DNAH9: variants seen among roughly 807,000 people sequenced by gnomAD.
DNAH9 encodes the protein DNAH9 variant protein.
Under a neutral mutation model 471.6 loss-of-function variants are expected in DNAH9, and 345 were observed. That is an observed-to-expected ratio of 0.73 (90% CI 0.67 to 0.80). The LOEUF is 0.80. DNAH9 is among the 30% of genes least tolerant of loss of function. The pLI, the probability that DNAH9 is intolerant of heterozygous loss-of-function variation, is 0.00. For synonymous variants in DNAH9, 2,093 were observed against 2,123.6 expected (o/e 0.99, Z 0.40); for missense variants, 5,407 against 5,609.2 (o/e 0.96, Z 1.15).
At chr17:11,613,590 C>T (rs1396078906) in intron 4 of DNAH9, among the ~76,000 whole-genome samples, 1 of 152,082 alleles carries the variant, frequency 6.6e-6, no homozygotes. Context: ...AGTGACAGAC[C>T]GAGACTCCGT....
At chr17:11,880,821 T>C (rs1972690650) in intron 54 of DNAH9, among the ~76,000 whole-genome samples, 1 of 152,136 alleles carries the variant, frequency 6.6e-6, no homozygotes. Flanking sequence ...TAGATGTCAT[T>C]CCCATGTCAG....
intron 15 of DNAH9, among the ~76,000 whole-genome samples, chr17:11,666,067 C>G (rs1043049694): frequency 6.6e-5 from 10 of 152,138 alleles, no homozygotes; most frequent in African/African-American, 2.4e-4. Flanking sequence ...GGAAATCCAG[C>G]ATAGTTAGCA....
At chr17:11,685,552 G>A (rs7207282) in intron 19 of DNAH9, among the ~76,000 whole-genome samples, 27,354 of 152,110 alleles carry the variant, frequency 0.18, 2,603 homozygotes, top group African/African-American at 0.23. Flanking sequence ...CAGCCCAGAT[G>A]AGAAGTGGTG....
intron 48 of DNAH9, among the ~76,000 whole-genome samples, chr17:11,823,782 T>C (rs914388897): frequency 1.3e-5 from 2 of 151,946 alleles, no homozygotes; most frequent in Non-Finnish European, 2.9e-5. Flanking sequence ...ATACAAAAAT[T>C]AGCTGGGCAT....
chr17:11,660,319 CTTTTTT>C (rs1208889792), intron 14 of DNAH9, among the ~76,000 whole-genome samples: 2 of 97,502 alleles, frequency 2.1e-5, no homozygotes, highest in South Asian at 3.6e-4. Context: ...TTAAATGTTT[CTTTTTT>C]TTTTTTTTTT....
Position 11,768,484 on chromosome 17 carries a change from G to A in DNAH9, c.7202G>A (p.Trp2401Ter). ...LVDYRAEFSK[W>*]WLTEFKTVKF... Reference sequence around the variant, plus strand: ...GACTACCGGGCAGAGTTCAGCAAATGGTGGCTGACTGAGTTCAAAACAGTC... The same window carrying A: ...GACTACCGGGCAGAGTTCAGCAAATAGTGGCTGACTGAGTTCAAAACAGTC... Residue 2401 changes from tryptophan (W) to a stop codon, truncating the protein, a stop_gained, in exon 37 of 69, where the codon TGG (tryptophan) becomes TAG (stop). Transcript: ENST00000262442. LOFTEE classifies it high-confidence loss of function. 6.2e-7 allele frequency: 1 copy of A among 1,614,062 alleles called. No homozygotes were observed. The highest frequency in any genetic ancestry group is 1.1e-5 in the South Asian group (1 of 91,082).
At chr17:11,843,889 A>ATATATATG (rs1339573331) in intron 49 of DNAH9, among the ~76,000 whole-genome samples, 2 of 137,216 alleles carry the variant, frequency 1.5e-5, no homozygotes, top group African/African-American at 5.3e-5. Flanking sequence ...ATATATATAT[A>ATATATATG]TACACATAGA....
chr17:11,908,085 A>G (rs1490812326), intron 61 of DNAH9, among the ~76,000 whole-genome samples: 1 of 152,132 alleles, frequency 6.6e-6, no homozygotes, highest in East Asian at 1.9e-4. Flanking sequence ...CTCCACATAC[A>G]CGGGGTGGGG....
chr17:11,632,439 AAATT>A (rs1277531582), intron 7 of DNAH9, 144 bp from the exon 8 acceptor site: 2 of 583,350 alleles, frequency 3.4e-6, no homozygotes, highest in Non-Finnish European at 6.1e-6. Context: ...ACATGGCTAA[AAATT>A]AAGTCATGCC....
intron 35 of DNAH9, among the ~76,000 whole-genome samples, chr17:11,760,230 G>T (rs1307577798): frequency 6.6e-6 from 1 of 152,136 alleles, no homozygotes; most frequent in Non-Finnish European, 1.5e-5. Context: ...GTATCTTTTT[G>T]ATAAAATAAT....
chr17:11,819,672 T>G (rs1393387657), intron 45 of DNAH9, among the ~76,000 whole-genome samples: 2 of 152,196 alleles, frequency 1.3e-5, no homozygotes, highest in African/African-American at 4.8e-5. Context: ...TAATATCAAT[T>G]TCCTAAAATT....
intron 6 of DNAH9, among the ~76,000 whole-genome samples, chr17:11,625,857 T>A (rs77069621): frequency 0.025 from 3,831 of 152,274 alleles, 156 homozygotes; most frequent in African/African-American, 0.086. Context: ...ACATATAATA[T>A]CCATTAACCC....
chr17:11,920,600 G>A (rs770887847), intron 61 of DNAH9, among the ~76,000 whole-genome samples: 4 of 143,758 alleles, frequency 2.8e-5, no homozygotes, highest in Admixed American at 7.1e-5. Flanking sequence ...CAGTCTGGGC[G>A]ACAGAGCAAG....
chr17:11,885,629 C>A (rs1972856255), intron 56 of DNAH9, among the ~76,000 whole-genome samples: 1 of 152,032 alleles, frequency 6.6e-6, no homozygotes, highest in South Asian at 2.1e-4. Flanking sequence ...AGTTCTTTTC[C>A]AGATATGCCT....
At chr17:11,621,481 T>G (rs118072843) in intron 6 of DNAH9, among the ~76,000 whole-genome samples, 1 of 149,388 alleles carries the variant, frequency 6.7e-6, no homozygotes, top group African/African-American at 2.5e-5. Context: ...CCAGCTGTCA[T>G]GAGCAGGTTT....
chr17:11,946,306 G>A (rs1975122031), intron 67 of DNAH9, among the ~76,000 whole-genome samples: 1 of 151,762 alleles, frequency 6.6e-6, no homozygotes, highest in African/African-American at 2.4e-5. Context: ...TGTCTATCAG[G>A]AGGGGCAATC....
chr17:11,627,759 A>G (rs2072995413), intron 6 of DNAH9, among the ~76,000 whole-genome samples: 1 of 152,054 alleles, frequency 6.6e-6, no homozygotes, highest in Non-Finnish European at 1.5e-5. Context: ...CCCACTAGCC[A>G]TGCCCAAACA....
At chr17:11,764,988 AAAG>A (rs896805826) in intron 36 of DNAH9, among the ~76,000 whole-genome samples, 5 of 152,216 alleles carry the variant, frequency 3.3e-5, no homozygotes, top group African/African-American at 1.2e-4. Context: ...TAAAAGCAAA[AAAG>A]AACATGAACT....
chr17:11,770,923 C>T (rs1020345050), intron 38 of DNAH9, among the ~76,000 whole-genome samples: 1 of 152,088 alleles, frequency 6.6e-6, no homozygotes, highest in Non-Finnish European at 1.5e-5. Context: ...TTGTAAGCTA[C>T]CAATGCAATG....
Sources: allele counts gnomAD v4.1 joint callset (sites outside exome capture counted in the v4.1 genomes callset), GRCh38; gene constraint gnomAD v4.1.1; transcripts MANE v1.5; gene names NCBI Gene and HGNC (gene_info 2026-07-23, HGNC 2026-07-21).